Variants in PRKAA2 observed in about 807,000 individuals in gnomAD.
PRKAA2 encodes protein kinase AMP-activated catalytic subunit alpha 2.
In PRKAA2, 40 loss-of-function variants were observed where a neutral mutation model predicts 56.3. The observed-to-expected ratio is 0.71, with a 90% confidence interval of 0.55 to 0.92. PRKAA2 has a LOEUF of 0.92. PRKAA2 is among the 40% of genes least tolerant of loss of function. The pLI is 0.00. For missense variants in PRKAA2, 542 were observed against 686.9 expected, an observed-to-expected ratio of 0.79 and a Z score of 2.36; for synonymous variants, 214 against 234.2, an observed-to-expected ratio of 0.91 and a Z score of 0.79.
At chr1:56,679,090 A>G (rs1450661821) in intron 2 of PRKAA2, among the ~76,000 whole-genome samples, 3 of 152,092 alleles carry the variant, frequency 2.0e-5, no homozygotes, top group Non-Finnish European at 4.4e-5. Context: ...GGTTTCCATG[A>G]CACCTCAGGC....
At chr1:56,646,633 A>G (rs1426131849) in intron 1 of PRKAA2, among the ~76,000 whole-genome samples, 19 of 152,178 alleles carry the variant, frequency 1.2e-4, no homozygotes, top group Admixed American at 1.2e-3. Context: ...TTATAAGTGA[A>G]ATATTGACCT....
In PRKAA2 at chr1:56,647,971, A is replaced by C. The variant is rs924507502; in HGVS notation, c.94+2490A>C. 6.6e-5 allele frequency among the ~76,000 whole-genome samples: 10 copies of C among 151,508 alleles called. No individual in the cohort carries two copies. The South Asian group carries it at 8.4e-4, about 13-fold the overall frequency. On this transcript the variant is annotated intron_variant, in intron 1 of 8. Coordinates refer to ENST00000371244, the MANE Select transcript of PRKAA2 (RefSeq NM_006252.4). Reference sequence around the variant, plus strand: ...CTTGGACCCGAGAGGCAGAGGTTGCAGTGAGCCAAGATTGCATCACTGCAC... The same window carrying C: ...CTTGGACCCGAGAGGCAGAGGTTGCCGTGAGCCAAGATTGCATCACTGCAC...
chr1:56,681,787 C>T (rs1200421634), intron 2 of PRKAA2, among the ~76,000 whole-genome samples: 7 of 152,100 alleles, frequency 4.6e-5, no homozygotes, highest in East Asian at 3.9e-4. Flanking sequence ...AGTCAGTTAG[C>T]GTGATGCCTC....
At position 56,645,465 on chromosome 1, in the gene PRKAA2, C is replaced by T. The variant is rs779680544; in HGVS notation, c.78C>T (p.Thr26=). ...YVLGDTLGVG[T]FGKVKIGEHQ... ...TGGGCGACACGCTGGGCGTCGGCAC[C>T]TTCGGCAAAGTGAAGAGTTGAGTAC... Residue 26 remains threonine (T), a synonymous_variant, in exon 1 of 9, where the codon ACC becomes ACT. Coordinates refer to ENST00000371244, the MANE Select transcript of PRKAA2 (RefSeq NM_006252.4). 2 of 1,499,560 alleles carry T rather than the reference C, an allele frequency of 1.3e-6. No homozygotes were observed. Among genetic ancestry groups the T allele is most frequent in the Non-Finnish European group, 1.8e-6 (2 of 1,117,652 alleles). The allele number at this position is 1,499,560 out of a possible 1,614,324, so 92.9% of individuals were successfully genotyped here.
At chr1:56,685,113 G>A (rs1323041511) in intron 2 of PRKAA2, among the ~76,000 whole-genome samples, 6 of 152,144 alleles carry the variant, frequency 3.9e-5, no homozygotes, top group South Asian at 2.1e-4. Flanking sequence ...AGAACTTAAA[G>A]GCCATATGTT....
At chr1:56,658,410 T>C (rs1643962741) in intron 1 of PRKAA2, among the ~76,000 whole-genome samples, 1 of 151,534 alleles carries the variant, frequency 6.6e-6, no homozygotes, top group Non-Finnish European at 1.5e-5. Flanking sequence ...AGGACCAGAG[T>C]TGGAAAGACA....
intron 1 of PRKAA2, among the ~76,000 whole-genome samples, chr1:56,673,901 ATGAAAAAG>A (rs1644094939): frequency 6.6e-6 from 1 of 152,212 alleles, no homozygotes; most frequent in Non-Finnish European, 1.5e-5. Context: ...AGAGGACTTT[ATGAAAAAG>A]GCACAAAAAA....
At position 56,712,084 on chromosome 1, in the gene PRKAA2, A is replaced by G. The variant is rs182603007; in HGVS notation, c.*4371A>G. 6.6e-6 allele frequency: 1 copy of G among 152,302 alleles called. No homozygotes were observed. The highest frequency in any genetic ancestry group is 1.5e-5 in the Non-Finnish European group (1 of 68,018). The allele number at this position is 152,302 out of a possible 1,614,324, so 9.4% of individuals were successfully genotyped here. A position where few individuals can be genotyped will look rare whatever the true frequency, so the allele number is the denominator to read the frequency against. On this transcript the variant is annotated 3_prime_UTR_variant, in exon 9 of 9. Coordinates refer to ENST00000371244, the MANE Select transcript of PRKAA2 (RefSeq NM_006252.4). ...ATTTTTTATAGTGATTTTTCGATCT[A>G]GAGACCCTTCATATTGTTTACTTAC... is the stretch of plus-strand genomic sequence containing the variant.
chr1:56,698,132 G>A (rs115665848), intron 6 of PRKAA2, among the ~76,000 whole-genome samples: 1,884 of 141,708 alleles, frequency 0.013, 37 homozygotes, highest in African/African-American at 0.047. Flanking sequence ...TACCAGGCTG[G>A]TCTTGAACTC....
chr1:56,692,849 A>G (rs1351089083), intron 4 of PRKAA2, among the ~76,000 whole-genome samples: 1 of 151,278 alleles, frequency 6.6e-6, no homozygotes, highest in Non-Finnish European at 1.5e-5. Context: ...AATCTCATGA[A>G]AGTATGGGCA....
intron 6 of PRKAA2, among the ~76,000 whole-genome samples, chr1:56,702,152 C>G (rs564610760): frequency 1.3e-5 from 2 of 151,208 alleles, no homozygotes; most frequent in Non-Finnish European, 1.5e-5. Context: ...GGCACGATCT[C>G]GGCTCACCGC....
At chr1:56,698,066 C>A (rs1349842866) in intron 6 of PRKAA2, among the ~76,000 whole-genome samples, 5 of 144,080 alleles carry the variant, frequency 3.5e-5, no homozygotes, top group Non-Finnish European at 7.6e-5. Flanking sequence ...TGGGAATTCT[C>A]ATTTTTTTAA....
chr1:56,671,665 C>G (rs1325833620), intron 1 of PRKAA2, among the ~76,000 whole-genome samples: 1 of 152,118 alleles, frequency 6.6e-6, no homozygotes, highest in East Asian at 1.9e-4. Context: ...TCAGTTCTTC[C>G]TAAGTCATCG....
chr1:56,686,440 A>G (rs1191093381), intron 2 of PRKAA2, among the ~76,000 whole-genome samples: 2 of 152,226 alleles, frequency 1.3e-5, no homozygotes, highest in African/African-American at 2.4e-5. Flanking sequence ...TTACATTACT[A>G]TAAAGGAATA....
chr1:56,672,075 G>C (rs1400213666), intron 1 of PRKAA2, among the ~76,000 whole-genome samples: 1 of 151,990 alleles, frequency 6.6e-6, no homozygotes, highest in Non-Finnish European at 1.5e-5. Flanking sequence ...ACACAAGTTT[G>C]GTGAAGAAGA....
chr1:56,689,923 C>T (rs999665647), intron 2 of PRKAA2, among the ~76,000 whole-genome samples: 14 of 151,430 alleles, frequency 9.2e-5, no homozygotes, highest in Admixed American at 7.9e-4. Context: ...CACACACACA[C>T]ACACACACAC....
At chr1:56,665,720 T>C (rs1163057215) in intron 1 of PRKAA2, among the ~76,000 whole-genome samples, 1 of 152,242 alleles carries the variant, frequency 6.6e-6, no homozygotes, top group Non-Finnish European at 1.5e-5. Context: ...GTCTTTTTTA[T>C]TGTGCTATTC....
intron 5 of PRKAA2, among the ~76,000 whole-genome samples, chr1:56,694,200 G>T (rs907062467): frequency 6.6e-6 from 1 of 152,008 alleles, no homozygotes; most frequent in African/African-American, 2.4e-5. Context: ...ATAATACCTT[G>T]CATATTTTCC....
chr1:56,658,914 C>A (rs1446570885), intron 1 of PRKAA2, among the ~76,000 whole-genome samples: 1 of 151,720 alleles, frequency 6.6e-6, no homozygotes, highest in Non-Finnish European at 1.5e-5. Context: ...CCTGCCTTCT[C>A]TTCCTGAGTG....
Sources: allele counts gnomAD v4.1 joint callset (sites outside exome capture counted in the v4.1 genomes callset), GRCh38; gene constraint gnomAD v4.1.1; transcripts MANE v1.5; gene names NCBI Gene and HGNC (gene_info 2026-07-23, HGNC 2026-07-21).